The following AIG1 variants were observed in gnomAD, a reference collection of about 807,000 sequenced individuals.
AIG1 encodes androgen induced 1.
AIG1 carries 23 observed loss-of-function variants against 31.4 expected under a neutral mutation model. The ratio of observed to expected loss-of-function variants is 0.73; its 90% confidence interval spans 0.53 to 1.04. The LOEUF (loss-of-function observed/expected upper bound fraction) is 1.04. Ranked by LOEUF, AIG1 falls within the 50% of genes least tolerant of loss-of-function variation. AIG1 has a pLI of 0.00. For missense variants in AIG1, 274 were observed against 295.0 expected, an observed-to-expected ratio of 0.93 and a Z score of 0.52; for synonymous variants, 100 against 110.5, an observed-to-expected ratio of 0.90 and a Z score of 0.60.
At chr6:143,064,482 T>G (rs1776520373) in intron 1 of AIG1, among the ~76,000 whole-genome samples, 2 of 152,232 alleles carry the variant, frequency 1.3e-5, no homozygotes, top group African/African-American at 2.4e-5. Flanking sequence ...TTAATGGTAG[T>G]GTATTTTGGA....
intron 1 of AIG1, among the ~76,000 whole-genome samples, chr6:143,120,623 C>A (rs183795581): frequency 1.2e-3 from 190 of 152,294 alleles, no homozygotes; most frequent in African/African-American, 4.5e-3. Context: ...TTACGTTCCA[C>A]CAGGTCCCTG....
At chr6:143,310,111 A>G (rs1775143612) in intron 4 of AIG1, among the ~76,000 whole-genome samples, 1 of 151,952 alleles carries the variant, frequency 6.6e-6, no homozygotes, top group Non-Finnish European at 1.5e-5. Context: ...TCATACAGAT[A>G]TAGTTGACCT....
At chr6:143,317,454 A>G (rs1775852552) in intron 4 of AIG1, among the ~76,000 whole-genome samples, 1 of 152,136 alleles carries the variant, frequency 6.6e-6, no homozygotes, top group Admixed American at 6.6e-5. Flanking sequence ...AAAATCCAGC[A>G]TCCCTTTATT....
chr6:143,121,597 G>C (rs1250546737), intron 1 of AIG1, among the ~76,000 whole-genome samples: 1 of 152,160 alleles, frequency 6.6e-6, no homozygotes, highest in South Asian at 2.1e-4. Context: ...TTTGCTAGGA[G>C]CAATTCCAGT....
chr6:143,283,943 C>T (rs561514287), intron 3 of AIG1, among the ~76,000 whole-genome samples, 167 bp from the exon 4 acceptor site: 12 of 152,216 alleles, frequency 7.9e-5, no homozygotes, highest in East Asian at 7.7e-4. Context: ...GAGCAATCAA[C>T]GCACTATGTG....
chr6:143,232,655 T>G (rs1793524946), intron 3 of AIG1, among the ~76,000 whole-genome samples: 1 of 152,194 alleles, frequency 6.6e-6, no homozygotes, highest in African/African-American at 2.4e-5. Context: ...TTACATGTTT[T>G]TATCACCATA....
intron 3 of AIG1, among the ~76,000 whole-genome samples, chr6:143,185,438 A>G (rs1005270776): frequency 5.9e-5 from 9 of 152,104 alleles, no homozygotes; most frequent in African/African-American, 2.2e-4. Context: ...GCCCCTGCAC[A>G]CTGCGCTCCT....
Position 143,194,700 on chromosome 6 carries a change from C to T in AIG1, c.399+29517C>T, listed in dbSNP as rs1454788517. On this transcript the variant is annotated intron_variant, in intron 3 of 5. Coordinates refer to ENST00000357847, the MANE Select transcript of AIG1 (RefSeq NM_016108.4). ...GGAGTCCCCCAAGATGCTGTAACCC[C>T]AGTACCCCTGGAGAACCTGAACGTG... 2.0e-5 allele frequency among the ~76,000 whole-genome samples: 3 copies of T among 152,212 alleles called. No homozygotes were observed. The East Asian group carries it at 5.8e-4, about 29-fold the overall frequency.
chr6:143,170,386 A>G (rs1175822696), intron 3 of AIG1, among the ~76,000 whole-genome samples: 3 of 151,996 alleles, frequency 2.0e-5, no homozygotes, highest in African/African-American at 7.2e-5. Context: ...AGTTGTTCAT[A>G]ATAATCTGTT....
At chr6:143,225,670 A>G (rs1349698438) in intron 3 of AIG1, among the ~76,000 whole-genome samples, 1 of 150,846 alleles carries the variant, frequency 6.6e-6, no homozygotes, top group Non-Finnish European at 1.5e-5. Context: ...AATTAGAAAA[A>G]AAACCCTGTA....
intron 4 of AIG1, among the ~76,000 whole-genome samples, chr6:143,309,510 A>G (rs1775093890): frequency 6.7e-6 from 1 of 148,180 alleles, no homozygotes; most frequent in Non-Finnish European, 1.5e-5. Context: ...AAGTATTGTA[A>G]GAGAGAAGAA....
In AIG1 at chr6:143,268,450, G is replaced by A. The variant is rs1186564639; in HGVS notation, c.400-15660G>A. 6.6e-6 allele frequency among the ~76,000 whole-genome samples: 1 copy of A among 152,168 alleles called. No individual in the cohort carries two copies. Among genetic ancestry groups the A allele is most frequent in the Non-Finnish European group, 1.5e-5 (1 of 68,038 alleles). ...TAACAAGTTTTAAAGAGCATGAAGT[G>A]CCAACTATGCCCTGGCTAGTAAGAA... On this transcript the variant is annotated intron_variant, in intron 3 of 5. Coordinates refer to ENST00000357847, the MANE Select transcript of AIG1 (RefSeq NM_016108.4). This position sits in a 1 kb window ranked among gnomAD's most constrained non-coding sequence, Gnocchi z 5.0.
intron 3 of AIG1, among the ~76,000 whole-genome samples, chr6:143,204,943 A>G (rs1790994605): frequency 6.6e-6 from 1 of 152,148 alleles, no homozygotes; most frequent in African/African-American, 2.4e-5. Context: ...GCTACCCACC[A>G]TCCATGTCTT....
At chr6:143,180,683 A>G (rs927505044) in intron 3 of AIG1, among the ~76,000 whole-genome samples, 1 of 152,168 alleles carries the variant, frequency 6.6e-6, no homozygotes, top group Non-Finnish European at 1.5e-5. Flanking sequence ...GAAGGTTAGG[A>G]TATTATTATT....
intron 1 of AIG1, among the ~76,000 whole-genome samples, chr6:143,117,280 A>G (rs934050686): frequency 6.6e-6 from 1 of 152,036 alleles, no homozygotes; most frequent in African/African-American, 2.4e-5. Context: ...GTTGATAAGG[A>G]CTTTGGCTTT....
rs765227081 is a variant in AIG1 at position 143,327,965 on chromosome 6, GT to G, written c.516-5314del. Among the ~76,000 whole-genome samples the G allele has an allele frequency of 2.0e-5, 3 of 152,178 alleles. No homozygotes were observed. Among genetic ancestry groups the G allele is most frequent in the Non-Finnish European group, 4.4e-5 (3 of 68,030 alleles). The stretch of plus-strand genomic sequence containing the variant: ...AGGAGAGATCTGGGTTAGGATATAA[GT>G]TTGTAAAATACCTGTGTATAAGTAG... On this transcript the variant is annotated intron_variant, in intron 4 of 5. Transcript: ENST00000357847. The surrounding 1 kb of genome is among the most constrained non-coding windows in gnomAD (Gnocchi z 5.3).
intron 3 of AIG1, among the ~76,000 whole-genome samples, chr6:143,178,084 G>C (rs538394433): frequency 6.6e-6 from 1 of 152,202 alleles, no homozygotes; most frequent in Non-Finnish European, 1.5e-5. Flanking sequence ...CAGGCAGGTA[G>C]CTCTTGGATT....
At position 143,065,348 on chromosome 6, in the gene AIG1, G is replaced by A. The variant is rs1362454680; in HGVS notation, c.141+4282G>A. Reference sequence around the variant, plus strand: ...GAGACTATCATTAAGTAACATGTCAGGCCAGGAGAAGAAATACACTTAATT... The same window carrying A: ...GAGACTATCATTAAGTAACATGTCAAGCCAGGAGAAGAAATACACTTAATT... On this transcript the variant is annotated intron_variant, in intron 1 of 5. Coordinates refer to ENST00000357847, the MANE Select transcript of AIG1 (RefSeq NM_016108.4). Among the ~76,000 whole-genome samples the A allele has an allele frequency of 1.6e-4, 25 of 152,140 alleles. 1 individual carries two copies. Among genetic ancestry groups the A allele is most frequent in the Admixed American group, 1.6e-3 (24 of 15,272 alleles).
chr6:143,114,723 TATC>T (rs1209537229), intron 1 of AIG1, among the ~76,000 whole-genome samples: 2 of 152,328 alleles, frequency 1.3e-5, no homozygotes, highest in Admixed American at 6.5e-5. Context: ...ACCATTATAG[TATC>T]ATGATTGTCA....
Sources: gnomAD v4.1 joint callset for allele counts (sites outside exome capture counted in the v4.1 genomes callset) on GRCh38, gnomAD v4.1.1 for gene constraint, Gnocchi (gnomAD v3.1) non-coding constraint, MANE v1.5 for transcripts, NCBI Gene and HGNC (gene_info 2026-07-23, HGNC 2026-07-21) for gene names.